The following DOT1L variants were observed in gnomAD, a reference collection of about 807,000 sequenced individuals.
The protein encoded by DOT1L is histone-lysine N-methyltransferase, H3 lysine-79 specific.
Under a neutral mutation model 153.3 loss-of-function variants are expected in DOT1L, and 33 were observed. The observed-to-expected ratio is 0.22, with a 90% CI of 0.16 to 0.29. The LOEUF is 0.29. Ranked by LOEUF, DOT1L falls within the 10% of genes least tolerant of loss-of-function variation. DOT1L has a pLI of 1.00. For synonymous variants in DOT1L, 1,135 were observed against 965.1 expected (o/e 1.18, Z -3.26); for missense variants, 1,847 against 2,119.9 (o/e 0.87, Z 2.53).
intron 27 of DOT1L, chr19:2,229,484 G>T (rs1452598950): frequency 1.0e-6 from 1 of 985,374 alleles, no homozygotes; most frequent in Non-Finnish European, 1.2e-6. Context: ...GACAAGCTAT[G>T]CTGGGTCTCT....
intron 3 of DOT1L, among the ~76,000 whole-genome samples, chr19:2,186,416 C>A (rs537366823): frequency 3.3e-5 from 5 of 152,216 alleles, no homozygotes; most frequent in African/African-American, 1.2e-4. Context: ...AGGGGCAGGG[C>A]TGTCTCTGGA....
chr19:2,209,432 G>A (rs2023627330), intron 12 of DOT1L, among the ~76,000 whole-genome samples: 1 of 152,226 alleles, frequency 6.6e-6, no homozygotes, highest in African/African-American at 2.4e-5. Flanking sequence ...CTGGGTGGGT[G>A]AAAAGCTTGT....
At chr19:2,196,545 C>A (rs561479355) in intron 7 of DOT1L, among the ~76,000 whole-genome samples, 1 of 152,210 alleles carries the variant, frequency 6.6e-6, no homozygotes, top group South Asian at 2.1e-4. Flanking sequence ...GTTGGTCAGG[C>A]GGGTCTCAAA....
In DOT1L at chr19:2,193,654, G is replaced by T. The variant is rs117734617; in HGVS notation, c.494-35G>T. On this transcript the variant is annotated intron_variant, in intron 5 of 27. Transcript: ENST00000398665. This position sits in a 1 kb window ranked among gnomAD's most constrained non-coding sequence, Gnocchi z 5.9. The stretch of plus-strand genomic sequence containing the variant: ...ACGGCCTCCCGGGTGGCATCTGAGC[G>T]CTGTGTGGTATCTGATGGATCTCTC... 34,385 of 1,605,548 alleles carry T rather than the reference G, an allele frequency of 0.021. 417 individuals are homozygous for T. The highest frequency in any genetic ancestry group is 0.024 in the Non-Finnish European group (28,608 of 1,173,058).
At chr19:2,171,975 A>G (rs911876811) in intron 1 of DOT1L, among the ~76,000 whole-genome samples, 1 of 151,980 alleles carries the variant, frequency 6.6e-6, no homozygotes, top group South Asian at 2.1e-4. Flanking sequence ...GGTATCTCAG[A>G]CTCCAGGGAC....
chr19:2,175,725 G>A (rs1184751883), intron 1 of DOT1L, among the ~76,000 whole-genome samples: 2 of 152,252 alleles, frequency 1.3e-5, no homozygotes, highest in East Asian at 3.9e-4. Flanking sequence ...AGCTACTCAG[G>A]AGGCTGAGAC....
At position 2,171,847 on chromosome 19, in the gene DOT1L, C is replaced by T. The variant is rs1236901449; in HGVS notation, c.81+7582C>T. On this transcript the variant is annotated intron_variant, in intron 1 of 27. Transcript: ENST00000398665. ...TTTGCGGGCTGCAGCTCTGGAGACA[C>T]AGATTCAAGTGCCCAGAATGTATGC... 4.6e-5 allele frequency among the ~76,000 whole-genome samples: 7 copies of T among 152,190 alleles called. No individual in the cohort carries two copies. In the East Asian group the frequency reaches 1.3e-3, roughly 29 times the overall value.
Position 2,226,683 on chromosome 19 carries a change from G to A in DOT1L, c.4162G>A (p.Glu1388Lys). Residue 1388 changes from glutamate (E) to lysine (K), a missense_variant, in exon 27 of 28, where the codon GAG becomes AAG. Around this residue, in one of 8 missense-constraint regions of DOT1L, gnomAD observed 934 missense variants for 825.3 expected, o/e 1.13. Transcript: ENST00000398665. Reference sequence around the variant, plus strand: ...GAAGGGCGAGGGCAGCCGCGGCAAGGAGGCAGGGGAGGGCGGCCTACCGCT... The same window carrying A: ...GAAGGGCGAGGGCAGCCGCGGCAAGAAGGCAGGGGAGGGCGGCCTACCGCT... ...GLKGEGSRGK[E>K]AGEGGLPLCG... 1 of 1,574,250 alleles carries A rather than the reference G, an allele frequency of 6.4e-7. No individual in the cohort carries two copies.
chr19:2,185,704 G>C (rs2022466654), intron 2 of DOT1L, 151 bp from the exon 3 acceptor site: 4 of 746,350 alleles, frequency 5.4e-6, no homozygotes, highest in Non-Finnish European at 6.8e-6. Context: ...AGGAGGCGGA[G>C]CTTGCAGTGA....
intron 27 of DOT1L, chr19:2,227,798 C>T (rs770752428): frequency 1.5e-6 from 2 of 1,308,974 alleles, no homozygotes; most frequent in South Asian, 2.4e-5. Context: ...GTGTCGGCCG[C>T]GGGGCTGCAT....
At chr19:2,174,330 G>C (rs2021801096) in intron 1 of DOT1L, among the ~76,000 whole-genome samples, 1 of 152,228 alleles carries the variant, frequency 6.6e-6, no homozygotes, top group Non-Finnish European at 1.5e-5. Context: ...GCTCTGCTGT[G>C]AAGTAGCTGC....
intron 5 of DOT1L, among the ~76,000 whole-genome samples, chr19:2,192,386 G>A (rs777421553): frequency 4.6e-5 from 7 of 152,170 alleles, no homozygotes; most frequent in Non-Finnish European, 8.8e-5. Context: ...AATGTGTATC[G>A]TCTGGACGTG....
intron 2 of DOT1L, 102 bp from the exon 3 acceptor site, chr19:2,185,753 A>G (rs757581111): frequency 2.4e-6 from 3 of 1,249,870 alleles, no homozygotes; most frequent in Non-Finnish European, 3.5e-6. Flanking sequence ...TGGGCAACAG[A>G]GTGAGACTCC....
In DOT1L at chr19:2,221,897, T is replaced by C. The variant is rs891923209; in HGVS notation, c.2807-79T>C. On this transcript the variant is annotated intron_variant, in intron 23 of 27. Transcript: ENST00000398665. ...CCTCTCCTGGAGCCCACAGAGCTCC[T>C]AGGGGGTGGTGCTCCCACAGCAAGG... 57 of 1,392,692 alleles carry C rather than the reference T, an allele frequency of 4.1e-5. 2 individuals carry two copies. In the South Asian group the frequency reaches 7.1e-4, roughly 17 times the overall value. 86.3% of individuals were successfully genotyped at this position (1,392,692 alleles called of 1,614,324 possible).
At chr19:2,188,485 C>T (rs577904974) in intron 3 of DOT1L, among the ~76,000 whole-genome samples, 9 of 125,766 alleles carry the variant, frequency 7.2e-5, no homozygotes, top group South Asian at 6.3e-4. Context: ...CCGCCGCCCC[C>T]CCCCCCCCCA....
In DOT1L at chr19:2,190,923, C is replaced by T. The variant is rs530771095; in HGVS notation, c.265-89C>T. On this transcript the variant is annotated intron_variant, in intron 4 of 27. Coordinates refer to ENST00000398665, the MANE Select transcript of DOT1L (RefSeq NM_032482.3). This position sits in a 1 kb window ranked among gnomAD's most constrained non-coding sequence, Gnocchi z 4.8. ...GAGAGGCCATGCAGCCGACTCCCTGCTTCCGCTGGGAAAGGTCCCGGGTCT... is the reference window on the plus strand; with the variant it reads ...GAGAGGCCATGCAGCCGACTCCCTGTTTCCGCTGGGAAAGGTCCCGGGTCT... The T allele has an allele frequency of 2.3e-6, 3 of 1,305,066 alleles. No individual in the cohort carries two copies. The highest frequency in any genetic ancestry group is 3.2e-6 in the Non-Finnish European group (3 of 951,712). 80.8% of individuals were successfully genotyped at this position (1,305,066 alleles called of 1,614,324 possible).
chr19:2,211,361 G>T, intron 15 of DOT1L, 149 bp downstream of exon 15: 1 of 704,826 alleles, frequency 1.4e-6, no homozygotes, highest in Admixed American at 2.9e-5. Flanking sequence ...TCTGCCTGCT[G>T]CAGGGGTCAG....
At chr19:2,173,662 C>T (rs1208908750) in intron 1 of DOT1L, among the ~76,000 whole-genome samples, 1 of 152,234 alleles carries the variant, frequency 6.6e-6, no homozygotes, top group East Asian at 1.9e-4. Flanking sequence ...CTCAGTACAG[C>T]GGGCACGGGT....
At chr19:2,179,804 CAG>C (rs2022141506) in intron 1 of DOT1L, among the ~76,000 whole-genome samples, 1 of 152,112 alleles carries the variant, frequency 6.6e-6, no homozygotes, top group Non-Finnish European at 1.5e-5. Flanking sequence ...AACAAACAAA[CAG>C]AAAAAAGACA....
Sources: gnomAD v4.1 joint callset for allele counts (sites outside exome capture counted in the v4.1 genomes callset) on GRCh38, gnomAD v4.1.1 for gene constraint, gnomAD v4.1.1 regional missense constraint, Gnocchi (gnomAD v3.1) non-coding constraint, MANE v1.5 for transcripts, NCBI Gene and HGNC (gene_info 2026-07-23, HGNC 2026-07-21) for gene names.